ZNF521: variants seen among roughly 807,000 people sequenced by gnomAD.
The protein encoded by ZNF521 is LYST-interacting protein 3.
Under a neutral mutation model 105.5 loss-of-function variants are expected in ZNF521, and 14 were observed. The ratio of observed to expected loss-of-function variants is 0.13; its 90% CI spans 0.09 to 0.21. ZNF521 has a LOEUF of 0.21. ZNF521 is among the 10% of genes least tolerant of loss of function. The pLI is 1.00. For missense variants in ZNF521, 1,233 were observed against 1,629.7 expected (o/e 0.76, Z 4.19); for synonymous variants, 635 against 606.0 (o/e 1.05, Z -0.70).
chr18:25,179,253 A>T (rs2035589472), intron 5 of ZNF521, among the ~76,000 whole-genome samples: 1 of 148,066 alleles, frequency 6.8e-6, no homozygotes, highest in Non-Finnish European at 1.5e-5. Context: ...TCCCGGGTTC[A>T]AGCAATTCTC....
chr18:25,245,091 A>C (rs1476606888), intron 3 of ZNF521, among the ~76,000 whole-genome samples: 1 of 152,258 alleles, frequency 6.6e-6, no homozygotes, highest in Non-Finnish European at 1.5e-5. Flanking sequence ...ACTTTGCTAT[A>C]GCAAATTTTC....
intron 5 of ZNF521, among the ~76,000 whole-genome samples, chr18:25,128,798 T>C (rs1353916622): frequency 6.6e-6 from 1 of 151,982 alleles, no homozygotes; most frequent in South Asian, 2.1e-4. Context: ...GCAAGAGATT[T>C]AAAAAGATCA....
At chr18:25,299,509 T>G (rs1363055699) in intron 3 of ZNF521, among the ~76,000 whole-genome samples, 3 of 152,188 alleles carry the variant, frequency 2.0e-5, no homozygotes, top group African/African-American at 7.2e-5. Flanking sequence ...ACAACTCAAT[T>G]ACTGTGCTGT....
chr18:25,200,657 CTATT>C (rs1270611364), intron 4 of ZNF521, among the ~76,000 whole-genome samples: 3 of 152,108 alleles, frequency 2.0e-5, no homozygotes, highest in Admixed American at 1.3e-4. Flanking sequence ...TTTTAAGAAT[CTATT>C]TGTCTTCTTA....
At chr18:25,350,985 T>G (rs374718979) in intron 1 of ZNF521, 38 bp from the exon 2 acceptor site, 1 of 1,529,878 alleles carries the variant, frequency 6.5e-7, no homozygotes, top group Non-Finnish European at 8.8e-7. Context: ...AATTCAGCCC[T>G]GAAAGAAACT....
chr18:25,328,961 T>C (rs918601189), intron 2 of ZNF521, among the ~76,000 whole-genome samples: 2 of 152,254 alleles, frequency 1.3e-5, no homozygotes, highest in African/African-American at 4.8e-5. Context: ...CTAACTATGT[T>C]AGTAGTAGTT....
At chr18:25,295,774 T>C (rs1311219569) in intron 3 of ZNF521, among the ~76,000 whole-genome samples, 3 of 152,222 alleles carry the variant, frequency 2.0e-5, no homozygotes, top group African/African-American at 7.2e-5. Flanking sequence ...TACATGTACA[T>C]GTACCTGTCT....
chr18:25,203,262 C>T (rs1201101663), intron 4 of ZNF521, among the ~76,000 whole-genome samples: 2 of 152,120 alleles, frequency 1.3e-5, no homozygotes, highest in Non-Finnish European at 2.9e-5. Context: ...TTAGAAAAAA[C>T]TCTCTGGGAG....
intron 4 of ZNF521, chr18:25,224,015 T>C (rs900559905): frequency 1.0e-5 from 3 of 288,410 alleles, no homozygotes; most frequent in African/African-American, 4.2e-5. Context: ...ACACAAGTCA[T>C]AGCTGGGGAT....
intron 5 of ZNF521, among the ~76,000 whole-genome samples, chr18:25,173,940 C>G (rs12605164): frequency 0.094 from 14,242 of 152,096 alleles, 1,548 homozygotes; most frequent in African/African-American, 0.26. Flanking sequence ...ATCTAAGATT[C>G]ATTCCTTTCA....
intron 5 of ZNF521, among the ~76,000 whole-genome samples, chr18:25,116,667 T>G (rs2144323741): frequency 6.6e-6 from 1 of 151,976 alleles, no homozygotes; most frequent in Non-Finnish European, 1.5e-5. Context: ...AGGCAGAGTC[T>G]GGAGAGTCAA....
At chr18:25,101,771 A>T (rs2033970057) in intron 5 of ZNF521, among the ~76,000 whole-genome samples, 1 of 152,164 alleles carries the variant, frequency 6.6e-6, no homozygotes, top group African/African-American at 2.4e-5. Context: ...GATTTGACCC[A>T]TGTTCAAAAT....
chr18:25,257,187 T>C (rs556881320), intron 3 of ZNF521, among the ~76,000 whole-genome samples: 1 of 152,178 alleles, frequency 6.6e-6, no homozygotes, highest in African/African-American at 2.4e-5. Flanking sequence ...TTAAGTAACA[T>C]CTAAGTTCCC....
chr18:25,299,571 A>T (rs1911514756), intron 3 of ZNF521, among the ~76,000 whole-genome samples: 1 of 152,196 alleles, frequency 6.6e-6, no homozygotes, highest in Non-Finnish European at 1.5e-5. Flanking sequence ...CAACACTGTA[A>T]GGTCTTTCAT....
chr18:25,198,265 T>C (rs1347361886), intron 4 of ZNF521, among the ~76,000 whole-genome samples: 1 of 151,900 alleles, frequency 6.6e-6, no homozygotes, highest in Non-Finnish European at 1.5e-5. Context: ...TATTTTTGAT[T>C]GATTTTGAGA....
intron 6 of ZNF521, 114 bp downstream of exon 6, chr18:25,091,836 T>C (rs1215478123): frequency 3.1e-6 from 4 of 1,304,110 alleles, no homozygotes; most frequent in East Asian, 2.5e-5. Flanking sequence ...TCCCCCCAAA[T>C]TGAACTGAAG....
At chr18:25,271,620 T>C (rs1600239174) in intron 3 of ZNF521, among the ~76,000 whole-genome samples, 4 of 152,280 alleles carry the variant, frequency 2.6e-5, no homozygotes, top group African/African-American at 7.2e-5. Flanking sequence ...ACCACACATC[T>C]ACAACCATCT....
At chr18:25,085,897 A>T (rs1332895242) in intron 7 of ZNF521, among the ~76,000 whole-genome samples, 1 of 152,070 alleles carries the variant, frequency 6.6e-6, no homozygotes, top group Non-Finnish European at 1.5e-5. Context: ...ATCCATAGTG[A>T]TGTTGATGGT....
intron 2 of ZNF521, among the ~76,000 whole-genome samples, chr18:25,322,552 A>AC (rs1912994803): frequency 6.9e-5 from 10 of 145,388 alleles, no homozygotes; most frequent in Non-Finnish European, 1.5e-4. Flanking sequence ...AAAAAAAAAA[A>AC]ACCCCCCCAC....
Sources: allele counts gnomAD v4.1 joint callset (sites outside exome capture counted in the v4.1 genomes callset), GRCh38; gene constraint gnomAD v4.1.1; transcripts MANE v1.5; gene names NCBI Gene and HGNC (gene_info 2026-07-23, HGNC 2026-07-21).